KCNQ2: variants seen among roughly 807,000 people sequenced by gnomAD.
KCNQ2 encodes potassium voltage-gated channel subfamily Q member 2.
In KCNQ2, 14 loss-of-function variants were observed where a neutral mutation model predicts 84.8. The ratio of observed to expected loss-of-function variants is 0.17; its 90% CI spans 0.11 to 0.26. The LOEUF is 0.26. KCNQ2 is among the 10% of genes least tolerant of loss of function. KCNQ2 has a pLI of 1.00. For synonymous variants in KCNQ2, 599 were observed against 554.1 expected, an observed-to-expected ratio of 1.08 and a Z score of -1.14; for missense variants, 788 against 1,254.0, an observed-to-expected ratio of 0.63 and a Z score of 5.61.
In KCNQ2 at chr20:63,406,260, T is replaced by G; in HGVS notation, c.*384A>C. 1 of 238,150 alleles carries G rather than the reference T, an allele frequency of 4.2e-6. No individual in the cohort carries two copies. The allele number at this position is 238,150 out of a possible 1,614,324, so 14.8% of individuals were successfully genotyped here. On this transcript the variant is annotated 3_prime_UTR_variant, in exon 17 of 17. Transcript: ENST00000359125. ...GGTCCTCAGGGAACAGGCCTGCCCT[T>G]TGTGCCTCCCCTGGGCTCGGCTGAG... is the stretch of plus-strand genomic sequence containing the variant.
At chr20:63,417,799 C>A (rs756381627) in intron 12 of KCNQ2, among the ~76,000 whole-genome samples, 1 of 152,196 alleles carries the variant, frequency 6.6e-6, no homozygotes, top group East Asian at 1.9e-4. Context: ...CCGCTGACCA[C>A]GACAAGGAGC....
At chr20:63,420,102 C>T (rs6122118) in intron 11 of KCNQ2, among the ~76,000 whole-genome samples, 1 of 152,286 alleles carries the variant, frequency 6.6e-6, no homozygotes, top group African/African-American at 2.4e-5. Context: ...GCAGTTGTCC[C>T]GCTTTGCAAA....
chr20:63,401,093 C>T lies in KCNQ2; in HGVS notation c.*5551G>A, dbSNP rs967808607. On this transcript the variant is annotated 3_prime_UTR_variant, in exon 17 of 17. Transcript: ENST00000359125. ...ACGCTGAGGACCTCTCAGGACGGGG[C>T]CCCTGGCCAGAGCCAGTCTCCTCGG... The T allele has an allele frequency of 5.4e-5, 21 of 385,918 alleles. No homozygotes were observed. The highest frequency in any genetic ancestry group is 3.3e-4 in the African/African-American group (16 of 48,340). 23.9% of individuals were successfully genotyped at this position (385,918 alleles called of 1,614,324 possible).
chr20:63,424,361 C>A, intron 10 of KCNQ2, 155 bp from the exon 11 acceptor site: 1 of 825,598 alleles, frequency 1.2e-6, no homozygotes, highest in South Asian at 1.6e-5. Context: ...GCCCACCCAC[C>A]CCAGAGAGCC....
At position 63,441,006 on chromosome 20, in the gene KCNQ2, C is replaced by T. The variant is rs1292273986; in HGVS notation, c.817-1298G>A. On this transcript the variant is annotated intron_variant, in intron 5 of 16. Coordinates refer to ENST00000359125, the MANE Select transcript of KCNQ2 (RefSeq NM_172107.4). ...GTTTTGAGACAGAGTCTCGCTCTGT[C>T]CCCCAGGCTGGAGTGCAGTGGCGTG... Among the ~76,000 whole-genome samples, 4 of 146,524 alleles carry T rather than the reference C, an allele frequency of 2.7e-5. No individual in the cohort carries two copies. In the South Asian group the frequency reaches 9.0e-4, roughly 33 times the overall value.
chr20:63,424,918 C>T (rs935881654), intron 10 of KCNQ2, among the ~76,000 whole-genome samples: 1 of 152,250 alleles, frequency 6.6e-6, no homozygotes, highest in East Asian at 1.9e-4. Context: ...CGCCGTGTTA[C>T]AAGCAGGCTC....
chr20:63,468,411 G>A (rs1176203565), intron 1 of KCNQ2, among the ~76,000 whole-genome samples: 1 of 152,194 alleles, frequency 6.6e-6, no homozygotes, highest in African/African-American at 2.4e-5. Flanking sequence ...AGAAGAGAGT[G>A]TCTGAACCCC....
At position 63,405,987 on chromosome 20, in the gene KCNQ2, G is replaced by A. The variant is rs2079920059; in HGVS notation, c.*657C>T. ...ACCCGCTCCTCGGCTGCAGGCGAAG[G>A]TCTCCACCTCGGGGCTGGCTTCCAT... is the stretch of plus-strand genomic sequence containing the variant. On this transcript the variant is annotated 3_prime_UTR_variant, in exon 17 of 17. Coordinates refer to ENST00000359125, the MANE Select transcript of KCNQ2 (RefSeq NM_172107.4). The A allele has an allele frequency of 6.6e-6, 1 of 152,348 alleles. No individual in the cohort carries two copies. Among genetic ancestry groups the A allele is most frequent in the Non-Finnish European group, 1.5e-5 (1 of 68,134 alleles). The allele number at this position is 152,348 out of a possible 1,614,324, so 9.4% of individuals were successfully genotyped here.
chr20:63,428,926 G>A (rs2080713048), intron 9 of KCNQ2, among the ~76,000 whole-genome samples: 1 of 152,128 alleles, frequency 6.6e-6, no homozygotes, highest in Non-Finnish European at 1.5e-5. Flanking sequence ...GCAAAGAGCA[G>A]CTCATTCTGG....
intron 8 of KCNQ2, among the ~76,000 whole-genome samples, chr20:63,432,330 G>A (rs1187697922): frequency 1.4e-5 from 2 of 144,354 alleles, no homozygotes; most frequent in African/African-American, 5.3e-5. Context: ...CCTCTGGGAA[G>A]GCTCCACCCT....
intron 1 of KCNQ2, among the ~76,000 whole-genome samples, chr20:63,462,938 C>T (rs1268439168): frequency 2.0e-5 from 3 of 152,144 alleles, no homozygotes; most frequent in Admixed American, 6.5e-5. Context: ...ATGCAGAGAA[C>T]GGCTCCAGGA....
rs937390867 is a variant in KCNQ2 at position 63,408,922 on chromosome 20, G to A, written c.1764-386C>T. ...GCCTATTGGCCCCACAGCCCACGGA[G>A]GGTCTCCCACTGCAGGGCCTGGAGC... On this transcript the variant is annotated intron_variant, in intron 15 of 16. Coordinates refer to ENST00000359125, the MANE Select transcript of KCNQ2 (RefSeq NM_172107.4). The surrounding 1 kb of genome is among the most constrained non-coding windows in gnomAD (Gnocchi z 5.0). Among the ~76,000 whole-genome samples the A allele has an allele frequency of 1.3e-5, 2 of 152,190 alleles. No homozygotes were observed. The highest frequency in any genetic ancestry group is 2.9e-5 in the Non-Finnish European group (2 of 68,036).
rs544424794 is a variant in KCNQ2, at chr20:63,446,966, C to T, written c.297-129G>A. The T allele has an allele frequency of 1.6e-5, 13 of 814,658 alleles. No individual in the cohort carries two copies. The highest frequency in any genetic ancestry group is 5.1e-5 in the African/African-American group (3 of 59,280). The allele number at this position is 814,658 out of a possible 1,614,324, so 50.5% of individuals were successfully genotyped here. A position where few individuals can be genotyped will look rare whatever the true frequency, so the allele number is the denominator to read the frequency against. ...CACCAGCATGGCCGCGTCTCCAGAA[C>T]GCAGGACCCCACTCCCCACCCACCC... On this transcript the variant is annotated intron_variant, in intron 1 of 16. Coordinates refer to ENST00000359125, the MANE Select transcript of KCNQ2 (RefSeq NM_172107.4). This position sits in a 1 kb window ranked among gnomAD's most constrained non-coding sequence, Gnocchi z 5.5.
chr20:63,424,310 G>A, intron 10 of KCNQ2, 104 bp from the exon 11 acceptor site: 2 of 1,325,110 alleles, frequency 1.5e-6, no homozygotes, highest in Non-Finnish European at 1.1e-6. Context: ...GGGGCTGCAG[G>A]GGAGGGGGGT....
chr20:63,470,642 C>T (rs1346186242), intron 1 of KCNQ2, among the ~76,000 whole-genome samples: 1 of 152,176 alleles, frequency 6.6e-6, no homozygotes, highest in Non-Finnish European at 1.5e-5. Context: ...CAGAGCGGGG[C>T]GCTGGCCAGG....
At chr20:63,431,493 T>A in intron 8 of KCNQ2, 124 bp from the exon 9 acceptor site, 1 of 1,095,660 alleles carries the variant, frequency 9.1e-7, no homozygotes, top group Non-Finnish European at 1.4e-6. Context: ...CAAAGAAAAT[T>A]AGCACAAGGG....
At chr20:63,412,496 A>G (rs1342898931) in intron 15 of KCNQ2, among the ~76,000 whole-genome samples, 2 of 152,200 alleles carry the variant, frequency 1.3e-5, no homozygotes, top group Non-Finnish European at 2.9e-5. Context: ...GGTGAAGGGG[A>G]TGGCTCAGTG....
At chr20:63,463,621 C>T (rs1203326156) in intron 1 of KCNQ2, 1 of 152,220 alleles carries the variant, frequency 6.6e-6, no homozygotes, top group Non-Finnish European at 1.5e-5. Flanking sequence ...CTGCCCGAGG[C>T]TTCTCCCCAC....
At chr20:63,443,030 T>TCACCACCACCATCACCAC (rs2081266666) in intron 4 of KCNQ2, among the ~76,000 whole-genome samples, 1 of 9,828 alleles carries the variant, frequency 1.0e-4, no homozygotes. Context: ...CACCATCACA[T>TCACCACCACCATCACCAC]CACCACCACC....
Sources: allele counts gnomAD v4.1 joint callset (sites outside exome capture counted in the v4.1 genomes callset), GRCh38; gene constraint gnomAD v4.1.1; non-coding constraint Gnocchi (gnomAD v3.1); transcripts MANE v1.5; gene names NCBI Gene and HGNC (gene_info 2026-07-23, HGNC 2026-07-21).